Variants in ROBO2 observed in about 807,000 individuals in gnomAD.
ROBO2 encodes the protein roundabout guidance receptor 2, also known as roundabout homolog 2.
A neutral mutation model predicts 160.8 loss-of-function variants in ROBO2; 53 were observed. The ratio of observed to expected loss-of-function variants is 0.33; its 90% CI spans 0.26 to 0.41. ROBO2 has a LOEUF of 0.41. ROBO2 is among the 10% of genes least tolerant of loss of function. ROBO2 has a pLI of 1.00. For missense variants in ROBO2, 1,577 were observed against 1,722.4 expected, an observed-to-expected ratio of 0.92 and a Z score of 1.49; for synonymous variants, 664 against 611.7, an observed-to-expected ratio of 1.09 and a Z score of -1.26.
At chr3:77,386,834 C>T (rs1470528406) in intron 2 of ROBO2, among the ~76,000 whole-genome samples, 1 of 151,746 alleles carries the variant, frequency 6.6e-6, no homozygotes, top group Non-Finnish European at 1.5e-5. Context: ...AACTTCTGAC[C>T]TCAGATGACC....
chr3:76,431,158 C>CT (rs2076421037), intron 2 of ROBO2, among the ~76,000 whole-genome samples: 1 of 151,994 alleles, frequency 6.6e-6, no homozygotes, highest in Non-Finnish European at 1.5e-5. Flanking sequence ...TAAACCATTG[C>CT]TTCAAGAAGT....
rs768073335 is a variant in ROBO2 at position 77,601,652 on chromosome 3, C to T, written c.2855-558C>T. On this transcript the variant is annotated intron_variant, in intron 19 of 25. Coordinates refer to ENST00000461745, the Ensembl canonical transcript of ROBO2. ...AAATGGCTTACACCTGAAAATTTTC[C>T]TTTGTTATACAAGAAAAAAAATGCA... Among the ~76,000 whole-genome samples, 51 of 152,188 alleles carry T rather than the reference C, an allele frequency of 3.4e-4. 1 individual carries two copies. Among genetic ancestry groups the T allele is most frequent in the Middle Eastern group, 6.8e-3 (2 of 294 alleles).
At chr3:77,490,904 C>T (rs886175701) in intron 4 of ROBO2, among the ~76,000 whole-genome samples, 1 of 152,218 alleles carries the variant, frequency 6.6e-6, no homozygotes, top group African/African-American at 2.4e-5. Context: ...TACAAGAACG[C>T]TTTGACCTAA....
At chr3:77,244,471 G>A (rs2089458577) in intron 2 of ROBO2, among the ~76,000 whole-genome samples, 1 of 152,182 alleles carries the variant, frequency 6.6e-6, no homozygotes, top group African/African-American at 2.4e-5. Context: ...ATCATTGGGT[G>A]TGTAATGAAT....
rs117456618 is a variant in ROBO2 at position 76,384,930 on chromosome 3, C to A, written c.109+447328C>A. 2.0e-3 allele frequency among the ~76,000 whole-genome samples: 312 copies of A among 152,272 alleles called. 6 individuals are homozygous for A. In the East Asian group the frequency reaches 0.046, roughly 22 times the overall value. On this transcript the variant is annotated intron_variant, in intron 2 of 26. Coordinates refer to the ROBO2 transcript ENST00000487694. Reference sequence around the variant, plus strand: ...AGTGCATGAACATCCAATCTCTTTGCAGCAAGGCCAGAGACCATATTTCAG... The same window carrying A: ...AGTGCATGAACATCCAATCTCTTTGAAGCAAGGCCAGAGACCATATTTCAG...
chr3:77,409,227 C>T (rs900612574), intron 2 of ROBO2, among the ~76,000 whole-genome samples: 2 of 151,690 alleles, frequency 1.3e-5, no homozygotes, highest in East Asian at 3.9e-4. Context: ...CTGCTTGAGA[C>T]TCTAAAGCAG....
intron 2 of ROBO2, among the ~76,000 whole-genome samples, chr3:76,564,973 T>G (rs560020725): frequency 6.6e-6 from 1 of 152,318 alleles, no homozygotes; most frequent in South Asian, 2.1e-4. Context: ...TGGGAGATTT[T>G]GAAGATGAAA....
intron 2 of ROBO2, among the ~76,000 whole-genome samples, chr3:76,018,189 G>T (rs2066459613): frequency 6.6e-6 from 1 of 151,966 alleles, no homozygotes; most frequent in Non-Finnish European, 1.5e-5. Context: ...GATATACATA[G>T]ATCTCAAAAT....
At chr3:76,057,105 C>T (rs2067874740) in intron 2 of ROBO2, among the ~76,000 whole-genome samples, 1 of 152,102 alleles carries the variant, frequency 6.6e-6, no homozygotes, top group African/African-American at 2.4e-5. Flanking sequence ...TGTGGATTCC[C>T]TTCCTGTGTG....
At chr3:76,256,352 T>TA (rs1211040183) in intron 2 of ROBO2, among the ~76,000 whole-genome samples, 7,643 of 68,358 alleles carry the variant, frequency 0.11, 304 homozygotes, top group Non-Finnish European at 0.14. Context: ...TCTCTCTCTC[T>TA]CACATACACA....
intron 2 of ROBO2, among the ~76,000 whole-genome samples, chr3:76,316,489 G>T (rs2072041284): frequency 1.5e-5 from 2 of 132,228 alleles, no homozygotes; most frequent in Admixed American, 1.5e-4. Flanking sequence ...CAGACCTTAT[G>T]GTCGTCTTCC....
At chr3:77,016,807 C>T (rs1206851777) in intron 2 of ROBO2, among the ~76,000 whole-genome samples, 1 of 152,134 alleles carries the variant, frequency 6.6e-6, no homozygotes, top group East Asian at 1.9e-4. Flanking sequence ...TACCATGCTG[C>T]ACTAAAAGCT....
intron 2 of ROBO2, among the ~76,000 whole-genome samples, chr3:77,358,979 T>G (rs891660710): frequency 9.9e-5 from 15 of 152,210 alleles, no homozygotes; most frequent in African/African-American, 3.4e-4. Flanking sequence ...GTTGTTCTGT[T>G]TGGTTTTGCT....
chr3:76,446,747 A>G (rs903187536), intron 2 of ROBO2, among the ~76,000 whole-genome samples: 1 of 152,150 alleles, frequency 6.6e-6, no homozygotes, highest in South Asian at 2.1e-4. Context: ...CACAGCCACA[A>G]CCATCTGATC....
intron 2 of ROBO2, among the ~76,000 whole-genome samples, chr3:76,991,567 C>T (rs1028181686): frequency 6.6e-6 from 1 of 152,044 alleles, no homozygotes; most frequent in Non-Finnish European, 1.5e-5. Context: ...CTTTTTATCA[C>T]GGGATTCATT....
intron 2 of ROBO2, among the ~76,000 whole-genome samples, chr3:76,778,125 G>A (rs2062397362): frequency 6.6e-6 from 1 of 151,024 alleles, no homozygotes; most frequent in Admixed American, 6.6e-5. Context: ...TAAGAAAGAA[G>A]TGGTGAGCCT....
chr3:77,289,392 A>C (rs2060887018), intron 2 of ROBO2, among the ~76,000 whole-genome samples: 1 of 152,038 alleles, frequency 6.6e-6, no homozygotes, highest in Non-Finnish European at 1.5e-5. Context: ...GACATAAAGT[A>C]AAATTGACGT....
At chr3:76,284,835 G>A (rs1164305464) in intron 2 of ROBO2, among the ~76,000 whole-genome samples, 1 of 152,096 alleles carries the variant, frequency 6.6e-6, no homozygotes, top group Non-Finnish European at 1.5e-5. Flanking sequence ...CACCTGCTGC[G>A]ATGGTGTTGT....
At chr3:77,292,479 C>A (rs1240930252) in intron 2 of ROBO2, among the ~76,000 whole-genome samples, 1 of 150,100 alleles carries the variant, frequency 6.7e-6, no homozygotes, top group South Asian at 2.1e-4. Flanking sequence ...AACGGGTAAA[C>A]TGAGGCTAGA....
Sources: gnomAD v4.1 joint callset for allele counts (sites outside exome capture counted in the v4.1 genomes callset) on GRCh38, gnomAD v4.1.1 for gene constraint, MANE v1.5 for transcripts, NCBI Gene and HGNC (gene_info 2026-07-23, HGNC 2026-07-21) for gene names.